Variants in CDH4 observed in about 807,000 individuals in gnomAD.
CDH4 encodes cadherin-4.
In CDH4, 33 loss-of-function variants were observed where a neutral mutation model predicts 86.0. The observed-to-expected ratio is 0.38, with a 90% confidence interval of 0.29 to 0.51. The LOEUF is 0.51. Among genes scored for constraint, CDH4 ranks in the 20% least tolerant of loss-of-function variants. The pLI is 0.86. For synonymous variants in CDH4, 555 were observed against 549.4 expected (o/e 1.01, Z -0.14); for missense variants, 1,114 against 1,307.4 (o/e 0.85, Z 2.28).
intron 2 of CDH4, among the ~76,000 whole-genome samples, chr20:61,367,078 G>A (rs28650157): frequency 0.015 from 2,281 of 152,118 alleles, 64 homozygotes; most frequent in African/African-American, 0.052. Context: ...CTACTCACTC[G>A]GGCAGATCCA....
chr20:61,550,904 C>G (rs1415631582), intron 2 of CDH4, among the ~76,000 whole-genome samples: 2 of 152,180 alleles, frequency 1.3e-5, no homozygotes, highest in Non-Finnish European at 2.9e-5. Context: ...TGCGCACAGG[C>G]CAGTGCGCAG....
At chr20:61,649,912 C>T (rs1396170092) in intron 2 of CDH4, among the ~76,000 whole-genome samples, 5 of 152,170 alleles carry the variant, frequency 3.3e-5, no homozygotes, top group Admixed American at 6.5e-5. Context: ...AGCTATGGCC[C>T]GGCTCCAGGC....
chr20:61,833,510 T>C (rs1981721799), intron 4 of CDH4, among the ~76,000 whole-genome samples: 2 of 152,314 alleles, frequency 1.3e-5, no homozygotes, highest in Admixed American at 6.5e-5. Flanking sequence ...AGCATAGTAC[T>C]CAGGCCTCAT....
chr20:61,758,968 C>A (rs542871451), intron 3 of CDH4, among the ~76,000 whole-genome samples: 1 of 151,604 alleles, frequency 6.6e-6, no homozygotes, highest in African/African-American at 2.4e-5. Flanking sequence ...TGCACATGTG[C>A]GCATGGGTGT....
intron 2 of CDH4, among the ~76,000 whole-genome samples, chr20:61,711,469 A>G (rs1025697618): frequency 2.0e-5 from 3 of 152,084 alleles, no homozygotes; most frequent in African/African-American, 4.8e-5. Flanking sequence ...GCCTTTCCCA[A>G]TCCTGGAGGC....
At chr20:61,852,652 T>C in intron 5 of CDH4, 102 bp from the exon 6 acceptor site, 1 of 1,252,182 alleles carries the variant, frequency 8.0e-7, no homozygotes, top group Non-Finnish European at 1.1e-6. Flanking sequence ...CCAACCTGCT[T>C]CTGCCATCAG....
At chr20:61,343,484 G>A (rs543177886) in intron 2 of CDH4, among the ~76,000 whole-genome samples, 25 of 152,200 alleles carry the variant, frequency 1.6e-4, no homozygotes, top group Non-Finnish European at 3.2e-4. Flanking sequence ...GAGCCCAGGC[G>A]GCTCTCAAGC....
intron 7 of CDH4, among the ~76,000 whole-genome samples, chr20:61,883,595 A>G (rs1600735286): frequency 1.3e-5 from 2 of 152,202 alleles, no homozygotes; most frequent in Admixed American, 1.3e-4. Flanking sequence ...AGCCACTGGA[A>G]CTTATGGCTC....
At chr20:61,459,831 C>T (rs2085431831) in intron 2 of CDH4, among the ~76,000 whole-genome samples, 1 of 152,004 alleles carries the variant, frequency 6.6e-6, no homozygotes, top group Non-Finnish European at 1.5e-5. Flanking sequence ...AAGGACTTCT[C>T]AGAAGGCAGC....
At chr20:61,864,882 C>G (rs1983478483) in intron 6 of CDH4, among the ~76,000 whole-genome samples, 1 of 152,174 alleles carries the variant, frequency 6.6e-6, no homozygotes, top group Admixed American at 6.5e-5. Context: ...GTGGTCCTCT[C>G]TGGGGCTGCA....
chr20:61,698,970 G>A (rs927052388), intron 2 of CDH4, among the ~76,000 whole-genome samples: 1 of 152,214 alleles, frequency 6.6e-6, no homozygotes, highest in African/African-American at 2.4e-5. Context: ...ACCTTTGGTG[G>A]TTGCATCCCG....
At chr20:61,751,764 G>C (rs1482642908) in intron 3 of CDH4, among the ~76,000 whole-genome samples, 2 of 152,184 alleles carry the variant, frequency 1.3e-5, no homozygotes, top group African/African-American at 4.8e-5. Flanking sequence ...CTGGCCATTT[G>C]GGGGAAAGTT....
At chr20:61,319,940 G>A (rs2084499149) in intron 2 of CDH4, among the ~76,000 whole-genome samples, 1 of 139,638 alleles carries the variant, frequency 7.2e-6, no homozygotes, top group Admixed American at 7.5e-5. Flanking sequence ...GGGTGACAGA[G>A]TAAGACTCCA....
In CDH4 at chr20:61,533,637, C is replaced by T. The variant is rs565874976; in HGVS notation, c.170-209926C>T. Among the ~76,000 whole-genome samples, 13 of 152,338 alleles carry T rather than the reference C, an allele frequency of 8.5e-5. No homozygotes were observed. The East Asian group carries it at 2.5e-3, about 29-fold the overall frequency. On this transcript the variant is annotated intron_variant, in intron 2 of 15. Transcript: ENST00000614565. ...CCTCACTCTGCAATTAGAGCTACTT[C>T]GGGTACAGGGGCCATTAGCACTGCC...
chr20:61,660,792 C>G (rs990946942), intron 2 of CDH4, among the ~76,000 whole-genome samples: 1 of 152,084 alleles, frequency 6.6e-6, no homozygotes, highest in African/African-American at 2.4e-5. Flanking sequence ...GAAGTAGGTG[C>G]TTCGTGGAGA....
chr20:61,261,534 A>G (rs185185359), intron 2 of CDH4, among the ~76,000 whole-genome samples: 1 of 152,280 alleles, frequency 6.6e-6, no homozygotes, highest in African/African-American at 2.4e-5. Flanking sequence ...GGGAGGTAAA[A>G]TTGTTCTCAT....
intron 15 of CDH4, among the ~76,000 whole-genome samples, chr20:61,935,279 C>T (rs2153936): frequency 0.19 from 29,349 of 152,234 alleles, 3,283 homozygotes; most frequent in Middle Eastern, 0.28. Flanking sequence ...ATAACCCAGG[C>T]AGTGATTCAA....
intron 9 of CDH4, 103 bp from the exon 10 acceptor site, chr20:61,923,348 A>G (rs2055004838): frequency 6.2e-6 from 7 of 1,130,978 alleles, no homozygotes; most frequent in Non-Finnish European, 9.2e-6. Context: ...AGAGCTGGAC[A>G]TGGCTCAGGG....
rs556886302 is a variant in CDH4 at position 61,609,002 on chromosome 20, C to T, written c.170-134561C>T. Among the ~76,000 whole-genome samples the T allele has an allele frequency of 2.0e-5, 3 of 152,300 alleles. No individual in the cohort carries two copies. In the East Asian group the frequency reaches 5.8e-4, roughly 29 times the overall value. On this transcript the variant is annotated intron_variant, in intron 2 of 15. Transcript: ENST00000614565. ...GTCTCCGGGAGGGCTGTTGGGGAAG[C>T]ACAAGACCCTGAGCTCAGTGCCCAG...
Sources: gnomAD v4.1 joint callset for allele counts (sites outside exome capture counted in the v4.1 genomes callset) on GRCh38, gnomAD v4.1.1 for gene constraint, MANE v1.5 for transcripts, NCBI Gene and HGNC (gene_info 2026-07-23, HGNC 2026-07-21) for gene names.